LARGE1: variants seen among roughly 807,000 people sequenced by gnomAD.
The protein encoded by LARGE1 is xylosyl- and glucuronyltransferase LARGE1.
LARGE1 carries 43 observed loss-of-function variants against 87.6 expected under a neutral mutation model. That is an observed-to-expected ratio of 0.49 (90% CI 0.38 to 0.63). LARGE1 has a LOEUF of 0.63. Among genes scored for constraint, LARGE1 ranks in the 30% least tolerant of loss-of-function variants. LARGE1 has a pLI of 0.00. For missense variants in LARGE1, 802 were observed against 1,000.2 expected (o/e 0.80, Z 2.67); for synonymous variants, 434 against 394.6 (o/e 1.10, Z -1.18).
intron 11 of LARGE1, among the ~76,000 whole-genome samples, chr22:33,195,749 C>CTTTTTTTT (rs201916623): frequency 2.2e-5 from 2 of 89,696 alleles, no homozygotes; most frequent in African/African-American, 4.9e-5. Flanking sequence ...TTTCTTTTTT[C>CTTTTTTTT]TTTTTTCTTT....
chr22:33,323,716 T>G (rs1936964324), intron 10 of LARGE1, among the ~76,000 whole-genome samples: 2 of 152,238 alleles, frequency 1.3e-5, no homozygotes, highest in African/African-American at 4.8e-5. Flanking sequence ...CACAGATGAA[T>G]TTTATTGGCT....
At chr22:33,872,975 G>A (rs1239076823) in intron 1 of LARGE1, 1 of 151,330 alleles carries the variant, frequency 6.6e-6, no homozygotes, top group Non-Finnish European at 1.5e-5. Flanking sequence ...ACTCCAGCTT[G>A]GGTGCCAAGA....
intron 1 of LARGE1, among the ~76,000 whole-genome samples, chr22:33,790,514 C>G (rs1242495203): frequency 6.6e-6 from 1 of 152,152 alleles, no homozygotes; most frequent in African/African-American, 2.4e-5. Context: ...CTCTAGAACT[C>G]TACACTCAAC....
intron 1 of LARGE1, among the ~76,000 whole-genome samples, chr22:33,822,232 GC>G (rs2086847901): frequency 6.6e-6 from 1 of 152,070 alleles, no homozygotes; most frequent in Non-Finnish European, 1.5e-5. Context: ...GTTCCATTCT[GC>G]CCCAGTTTGA....
the LARGE1 span, among the ~76,000 whole-genome samples, chr22:33,106,647 C>T: frequency 2.0e-5 from 3 of 152,266 alleles, no homozygotes; most frequent in East Asian, 5.8e-4. Flanking sequence ...AGGCATGTGC[C>T]ACCATGCCCA....
In LARGE1 at chr22:33,357,170, A is replaced by G. The variant is rs559372653; in HGVS notation, c.1132-19369T>C. 2.6e-5 allele frequency among the ~76,000 whole-genome samples: 4 copies of G among 152,340 alleles called. No homozygotes were observed. In the East Asian group the frequency reaches 5.8e-4, roughly 22 times the overall value. Reference sequence around the variant, plus strand: ...GAAAATGTGGAGTGTAGGTATATATATATGAATACTATTCAGCCATGAAAA... The same window carrying G: ...GAAAATGTGGAGTGTAGGTATATATGTATGAATACTATTCAGCCATGAAAA... On this transcript the variant is annotated intron_variant, in intron 9 of 14. Coordinates refer to ENST00000397394, the MANE Select transcript of LARGE1 (RefSeq NM_133642.5).
intron 4 of LARGE1, among the ~76,000 whole-genome samples, chr22:33,605,999 C>T (rs1181401031): frequency 6.6e-6 from 1 of 152,098 alleles, no homozygotes; most frequent in Non-Finnish European, 1.5e-5. Context: ...AGGAGAGCAA[C>T]AGACAAAGGC....
intron 6 of LARGE1, among the ~76,000 whole-genome samples, chr22:33,522,880 C>T (rs1236980335): frequency 6.6e-6 from 1 of 151,734 alleles, no homozygotes; most frequent in African/African-American, 2.4e-5. Flanking sequence ...TGGTGACACA[C>T]ACCTGTAGTC....
intron 1 of LARGE1, among the ~76,000 whole-genome samples, chr22:33,834,087 T>C (rs2063047048): frequency 6.6e-6 from 1 of 152,126 alleles, no homozygotes; most frequent in Non-Finnish European, 1.5e-5. Context: ...TTCAAGGTAA[T>C]AAAGCCTGAC....
intron 6 of LARGE1, among the ~76,000 whole-genome samples, chr22:33,502,179 G>A (rs559296601): frequency 5.8e-5 from 8 of 138,902 alleles, no homozygotes; most frequent in Non-Finnish European, 1.2e-4. Context: ...CTGGATGGCA[G>A]AGTGAGACCC....
Position 33,375,502 on chromosome 22 carries a change from T to G in LARGE1, c.1131+6417A>C, listed in dbSNP as rs577437989. Reference sequence around the variant, plus strand: ...GTCTCTCCTAAAAATAAAAAAAAAATTAACTCTCTCTCTATAGCAGGATAC... The same window carrying G: ...GTCTCTCCTAAAAATAAAAAAAAAAGTAACTCTCTCTCTATAGCAGGATAC... On this transcript the variant is annotated intron_variant, in intron 9 of 14. Coordinates refer to ENST00000397394, the MANE Select transcript of LARGE1 (RefSeq NM_133642.5). Among the ~76,000 whole-genome samples, 3 of 152,016 alleles carry G rather than the reference T, an allele frequency of 2.0e-5. No homozygotes were observed. In the East Asian group the frequency reaches 5.8e-4, roughly 29 times the overall value.
At chr22:33,502,247 C>A (rs1299345773) in intron 6 of LARGE1, among the ~76,000 whole-genome samples, 11 of 151,240 alleles carry the variant, frequency 7.3e-5, no homozygotes, top group Non-Finnish European at 1.5e-5. Flanking sequence ...ACACACTCCC[C>A]AGGCAGTGAC....
At chr22:33,637,305 T>C (rs2080295839) in intron 3 of LARGE1, among the ~76,000 whole-genome samples, 1 of 152,152 alleles carries the variant, frequency 6.6e-6, no homozygotes, top group African/African-American at 2.4e-5. Flanking sequence ...GTTGTTGTCA[T>C]TCTCAGTGGC....
At position 33,445,676 on chromosome 22, in the gene LARGE1, T is replaced by C. The variant is rs542881473; in HGVS notation, c.788-13411A>G. On this transcript the variant is annotated intron_variant, in intron 6 of 14. Coordinates refer to ENST00000397394, the MANE Select transcript of LARGE1 (RefSeq NM_133642.5). ...TTTTTTTTTTTTTTTGAGACAAGAG[T>C]TTCACTTTTGTCACCCAGGCTGGAG... is the stretch of plus-strand genomic sequence containing the variant. Among the ~76,000 whole-genome samples the C allele has an allele frequency of 3.5e-5, 5 of 141,880 alleles. No homozygotes were observed. The East Asian group carries it at 1.1e-3, about 30-fold the overall frequency. The allele number at this position is 141,880 out of a possible 152,430, so 93.1% of individuals were successfully genotyped here.
intron 1 of LARGE1, among the ~76,000 whole-genome samples, chr22:33,772,841 T>A (rs1413597923): frequency 9.5e-6 from 1 of 105,424 alleles, no homozygotes; most frequent in Admixed American, 1.1e-4. Context: ...TCAGTGAGTA[T>A]CTGCTGAATG....
intron 1 of LARGE1, among the ~76,000 whole-genome samples, chr22:33,889,608 G>T (rs2064951832): frequency 6.6e-6 from 1 of 152,136 alleles, no homozygotes; most frequent in South Asian, 2.1e-4. Context: ...ATCCAACATG[G>T]GGAGGCAGGC....
rs146442946 is a variant in LARGE1, at chr22:33,348,514, A to C, written c.1132-10713T>G. On this transcript the variant is annotated intron_variant, in intron 9 of 14. Coordinates refer to ENST00000397394, the MANE Select transcript of LARGE1 (RefSeq NM_133642.5). ...TTGTAGTAGGTAATTTTATGTGTCA[A>C]CTTGACTGGATCATGGTGTGCCCTG... Among the ~76,000 whole-genome samples, 322 of 152,236 alleles carry C rather than the reference A, an allele frequency of 2.1e-3. 2 individuals are homozygous for C. The highest frequency in any genetic ancestry group is 3.5e-3 in the Non-Finnish European group (240 of 67,992).
chr22:33,353,003 C>T (rs1378140860), intron 9 of LARGE1, among the ~76,000 whole-genome samples: 1 of 152,192 alleles, frequency 6.6e-6, no homozygotes, highest in African/African-American at 2.4e-5. Flanking sequence ...ATAAGCTCTT[C>T]CTTAGCTACA....
chr22:33,585,159 A>G (rs1379172297), intron 5 of LARGE1, among the ~76,000 whole-genome samples: 1 of 152,150 alleles, frequency 6.6e-6, no homozygotes, highest in Non-Finnish European at 1.5e-5. Context: ...CCACAGAAAA[A>G]GGAGTGTGAG....
Sources: allele counts gnomAD v4.1 joint callset (sites outside exome capture counted in the v4.1 genomes callset), GRCh38; gene constraint gnomAD v4.1.1; transcripts MANE v1.5; gene names NCBI Gene and HGNC (gene_info 2026-07-23, HGNC 2026-07-21).